CRIM1: variants seen among roughly 807,000 people sequenced by gnomAD.
CRIM1 encodes cysteine-rich motor neuron 1 protein.
CRIM1 carries 32 observed loss-of-function variants against 116.4 expected under a neutral mutation model. The ratio of observed to expected loss-of-function variants is 0.27; its 90% CI spans 0.21 to 0.37. The LOEUF (loss-of-function observed/expected upper bound fraction) is 0.37, where lower values mean the gene tolerates loss of function less well. Among genes scored for constraint, CRIM1 ranks in the 10% least tolerant of loss-of-function variants. CRIM1 has a pLI of 1.00. For synonymous variants in CRIM1, 590 were observed against 509.2 expected (o/e 1.16, Z -2.13); for missense variants, 1,331 against 1,354.8 (o/e 0.98, Z 0.28).
intron 13 of CRIM1, among the ~76,000 whole-genome samples, chr2:36,534,587 G>C (rs1194654436): frequency 7.4e-6 from 1 of 135,734 alleles, no homozygotes; most frequent in East Asian, 2.4e-4. Flanking sequence ...GGAAGGGAGA[G>C]ACAGGAAGAG....
At chr2:36,427,526 A>T (rs1189419583) in intron 2 of CRIM1, among the ~76,000 whole-genome samples, 1 of 152,184 alleles carries the variant, frequency 6.6e-6, no homozygotes, top group African/African-American at 2.4e-5. Flanking sequence ...CCAAGGCCTG[A>T]AGCAGACACA....
chr2:36,368,633 T>G (rs1196525047), intron 1 of CRIM1, among the ~76,000 whole-genome samples: 1 of 152,220 alleles, frequency 6.6e-6, no homozygotes, highest in African/African-American at 2.4e-5. Flanking sequence ...TAATTCCCAT[T>G]GGGCATTTAT....
chr2:36,497,460 A>G (rs538437691), intron 7 of CRIM1, among the ~76,000 whole-genome samples: 1 of 152,206 alleles, frequency 6.6e-6, no homozygotes, highest in Admixed American at 6.5e-5. Flanking sequence ...TAAAAGAAAG[A>G]CTAATAGGTT....
rs146253811 is a variant in CRIM1, at chr2:36,398,711, G to A, written c.505+1924G>A. ...GGTTAATGTATCTTCTACAAACAGT[G>A]CTTTGTTATTCAAAATAAAGTACCA... On this transcript the variant is annotated intron_variant, in intron 2 of 16. Transcript: ENST00000280527. Among the ~76,000 whole-genome samples the A allele has an allele frequency of 2.6e-3, 391 of 152,266 alleles. 1 individual carries two copies. Among genetic ancestry groups the A allele is most frequent in the African/African-American group, 8.7e-3 (362 of 41,546 alleles).
intron 13 of CRIM1, among the ~76,000 whole-genome samples, chr2:36,524,878 T>C (rs1184741078): frequency 1.3e-5 from 2 of 152,206 alleles, no homozygotes; most frequent in East Asian, 1.9e-4. Flanking sequence ...ACATTCTTCA[T>C]TGGTGTAGAA....
chr2:36,412,889 T>C (rs574698740), intron 2 of CRIM1, among the ~76,000 whole-genome samples: 42 of 152,294 alleles, frequency 2.8e-4, no homozygotes, highest in Middle Eastern at 3.4e-3. Context: ...TTAAATCTTA[T>C]GTGAAGTACT....
intron 10 of CRIM1, 61 bp from the exon 11 acceptor site, chr2:36,513,495 T>C: frequency 7.3e-7 from 1 of 1,360,804 alleles, no homozygotes; most frequent in African/African-American, 1.4e-5. Context: ...GTACAGACTC[T>C]GTAGCCTGTT....
chr2:36,363,791 G>A (rs1294405306), intron 1 of CRIM1, among the ~76,000 whole-genome samples: 1 of 152,132 alleles, frequency 6.6e-6, no homozygotes, highest in East Asian at 1.9e-4. Context: ...TCCTGAGTGT[G>A]CACACTGATG....
In CRIM1 at chr2:36,434,041, A is replaced by G. The variant is rs1369052780; in HGVS notation, c.506-7217A>G. ...CTTGGGGTTATGATTGTGCGGAACA[A>G]GTCTTCACAGCAAAGCTTGCCAAAA... is the stretch of plus-strand genomic sequence containing the variant. On this transcript the variant is annotated intron_variant, in intron 2 of 16. Transcript: ENST00000280527. Among the ~76,000 whole-genome samples, 10 of 152,346 alleles carry G rather than the reference A, an allele frequency of 6.6e-5. No individual in the cohort carries two copies. The East Asian group carries it at 1.7e-3, about 26-fold the overall frequency.
In CRIM1 at chr2:36,356,668, C is replaced by T. The variant is rs1326549673; in HGVS notation, c.331+45C>T. ...GCCCCCTCCCACCTGGCCTGCGCCGCCCCCTCGGCGCTGGTTGTGCCGAAC... is the reference window on the plus strand; with the variant it reads ...GCCCCCTCCCACCTGGCCTGCGCCGTCCCCTCGGCGCTGGTTGTGCCGAAC... On this transcript the variant is annotated intron_variant, in intron 1 of 16. Coordinates refer to ENST00000280527, the MANE Select transcript of CRIM1 (RefSeq NM_016441.3). The surrounding 1 kb of genome is among the most constrained non-coding windows in gnomAD (Gnocchi z 4.3). The T allele has an allele frequency of 2.6e-6, 4 of 1,544,292 alleles. No homozygotes were observed. Among genetic ancestry groups the T allele is most frequent in the South Asian group, 1.2e-5 (1 of 84,234 alleles).
At chr2:36,504,026 C>T (rs555129183) in intron 8 of CRIM1, among the ~76,000 whole-genome samples, 1 of 152,164 alleles carries the variant, frequency 6.6e-6, no homozygotes, top group East Asian at 1.9e-4. Context: ...ACTGCCACCA[C>T]ACCCAGCTCA....
At chr2:36,501,740 A>C (rs1365139438) in intron 8 of CRIM1, among the ~76,000 whole-genome samples, 1 of 151,244 alleles carries the variant, frequency 6.6e-6, no homozygotes, top group Non-Finnish European at 1.5e-5. Flanking sequence ...AACAAACAAA[A>C]AAAAAACTCT....
chr2:36,402,754 G>A (rs947733252), intron 2 of CRIM1, among the ~76,000 whole-genome samples: 3 of 150,722 alleles, frequency 2.0e-5, no homozygotes, highest in Non-Finnish European at 2.9e-5. Context: ...AATAGAATTA[G>A]CAGGAGTTGT....
At chr2:36,417,876 A>G (rs970018387) in intron 2 of CRIM1, among the ~76,000 whole-genome samples, 2 of 152,246 alleles carry the variant, frequency 1.3e-5, no homozygotes, top group Admixed American at 1.3e-4. Flanking sequence ...TATTCTGACT[A>G]GGAAAATCAG....
intron 4 of CRIM1, among the ~76,000 whole-genome samples, chr2:36,445,917 A>G (rs1163522016): frequency 6.6e-6 from 1 of 152,238 alleles, no homozygotes; most frequent in Non-Finnish European, 1.5e-5. Context: ...GAAGAAGATT[A>G]TAGAACATAT....
At chr2:36,421,119 C>T (rs1442515283) in intron 2 of CRIM1, among the ~76,000 whole-genome samples, 1 of 152,166 alleles carries the variant, frequency 6.6e-6, no homozygotes, top group East Asian at 1.9e-4. Flanking sequence ...AAATCCAAAA[C>T]CATAAGCAGA....
At chr2:36,544,909 C>T (rs113183025) in intron 15 of CRIM1, among the ~76,000 whole-genome samples, 181 of 152,210 alleles carry the variant, frequency 1.2e-3, no homozygotes, top group African/African-American at 4.1e-3. Context: ...ATTAGGTTAC[C>T]CTCTACTTCT....
chr2:36,431,819 A>G (rs2124903286), intron 2 of CRIM1, among the ~76,000 whole-genome samples: 1 of 152,316 alleles, frequency 6.6e-6, no homozygotes, highest in Non-Finnish European at 1.5e-5. Flanking sequence ...CATTTTACAG[A>G]TGAACACCAG....
chr2:36,404,080 G>A (rs1377419446), intron 2 of CRIM1, among the ~76,000 whole-genome samples: 3 of 152,156 alleles, frequency 2.0e-5, no homozygotes, highest in Non-Finnish European at 4.4e-5. Context: ...GTGATACCAA[G>A]TGTATCTTAT....
Sources: allele counts gnomAD v4.1 joint callset (sites outside exome capture counted in the v4.1 genomes callset), GRCh38; gene constraint gnomAD v4.1.1; non-coding constraint Gnocchi (gnomAD v3.1); transcripts MANE v1.5; gene names NCBI Gene and HGNC (gene_info 2026-07-23, HGNC 2026-07-21).